NEK1: variants seen among roughly 807,000 people sequenced by gnomAD.
The protein encoded by NEK1 is NIMA related kinase 1, also known as serine/threonine-protein kinase Nek1.
NEK1 carries 137 observed loss-of-function variants against 182.1 expected under a neutral mutation model. The observed-to-expected ratio is 0.75, with a 90% CI of 0.65 to 0.87. The LOEUF (loss-of-function observed/expected upper bound fraction) is 0.87, where lower values mean the gene tolerates loss of function less well. NEK1 is among the 40% of genes least tolerant of loss of function. The pLI is 0.00. For missense variants in NEK1, 1,391 were observed against 1,494.4 expected (o/e 0.93, Z 1.14); for synonymous variants, 513 against 492.2 (o/e 1.04, Z -0.56).
intron 23 of NEK1, among the ~76,000 whole-genome samples, chr4:169,483,250 T>C (rs1179486334): frequency 6.6e-6 from 1 of 152,154 alleles, no homozygotes; most frequent in African/African-American, 2.4e-5. Context: ...CCATCTTATA[T>C]GGGTGAAGTC....
intron 27 of NEK1, among the ~76,000 whole-genome samples, chr4:169,460,023 C>T (rs1235884556): frequency 6.6e-6 from 1 of 152,064 alleles, no homozygotes; most frequent in Non-Finnish European, 1.5e-5. Context: ...AAACTATACA[C>T]TTTGGTGATA....
rs140334228 is a variant in NEK1 at position 169,557,112 on chromosome 4, T to G, written c.1267-1017A>C. ...TTTAAAGGTCAGTAAGTCAATATTATGCATGGTAAGCAGAAATAAGAAAGT... is the reference window on the plus strand; with the variant it reads ...TTTAAAGGTCAGTAAGTCAATATTAGGCATGGTAAGCAGAAATAAGAAAGT... On this transcript the variant is annotated intron_variant, in intron 16 of 35. Coordinates refer to ENST00000507142, the MANE Select transcript of NEK1 (RefSeq NM_001199397.3). Among the ~76,000 whole-genome samples, 447 of 152,236 alleles carry G rather than the reference T, an allele frequency of 2.9e-3. 1 individual carries two copies. Among genetic ancestry groups the G allele is most frequent in the African/African-American group, 0.01 (416 of 41,538 alleles).
intron 29 of NEK1, among the ~76,000 whole-genome samples, chr4:169,430,831 T>C (rs4692726): frequency 0.9 from 136,958 of 151,672 alleles, 61,917 homozygotes; most frequent in Middle Eastern, 0.94. Context: ...ATATCACTTG[T>C]CAGGAATAAG....
intron 4 of NEK1, among the ~76,000 whole-genome samples, chr4:169,599,991 G>C (rs1440586143): frequency 2.0e-5 from 3 of 151,294 alleles, no homozygotes; most frequent in Non-Finnish European, 2.9e-5. Context: ...CTCCCCAATA[G>C]CTAGGACTAC....
At chr4:169,452,309 C>T (rs1045736582) in intron 27 of NEK1, among the ~76,000 whole-genome samples, 11 of 152,334 alleles carry the variant, frequency 7.2e-5, no homozygotes, top group Middle Eastern at 6.8e-3. Flanking sequence ...TCCTCCCTAA[C>T]GCATTTTATG....
chr4:169,588,973 C>T (rs1767981461), intron 7 of NEK1, among the ~76,000 whole-genome samples: 1 of 152,106 alleles, frequency 6.6e-6, no homozygotes, highest in African/African-American at 2.4e-5. Flanking sequence ...TCTACAGTAG[C>T]ATACAGAAAT....
intron 24 of NEK1, among the ~76,000 whole-genome samples, chr4:169,478,144 G>C (rs1399841728): frequency 6.6e-6 from 1 of 151,990 alleles, no homozygotes; most frequent in African/African-American, 2.4e-5. Flanking sequence ...GAAATTAGCA[G>C]TTACGAAAGC....
At chr4:169,419,637 T>G (rs189020119) in intron 31 of NEK1, among the ~76,000 whole-genome samples, 19 of 152,184 alleles carry the variant, frequency 1.2e-4, no homozygotes, top group African/African-American at 4.6e-4. Flanking sequence ...CATGCTTTGC[T>G]TAACAAAGAT....
chr4:169,523,333 C>A (rs1218708545), intron 19 of NEK1, among the ~76,000 whole-genome samples: 1 of 152,076 alleles, frequency 6.6e-6, no homozygotes, highest in Non-Finnish European at 1.5e-5. Context: ...GGATGTTTCA[C>A]AAGTTAAAAT....
At chr4:169,492,828 G>A (rs1389895626) in intron 23 of NEK1, among the ~76,000 whole-genome samples, 1 of 152,162 alleles carries the variant, frequency 6.6e-6, no homozygotes, top group South Asian at 2.1e-4. Flanking sequence ...CCCTCAAGGA[G>A]GAGACAGAGC....
intron 5 of NEK1, among the ~76,000 whole-genome samples, chr4:169,591,014 G>A (rs753656588): frequency 1.6e-4 from 24 of 152,126 alleles, no homozygotes; most frequent in Non-Finnish European, 3.5e-4. Context: ...ATGTTACTGG[G>A]TCATCTCTTA....
intron 35 of NEK1, 198 bp downstream of exon 35, chr4:169,400,027 A>C: frequency 1.6e-6 from 1 of 626,340 alleles, no homozygotes; most frequent in South Asian, 1.8e-5. Flanking sequence ...ATATGGACTT[A>C]AAGGACTTAA....
intron 5 of NEK1, among the ~76,000 whole-genome samples, chr4:169,595,661 T>C (rs1358743368): frequency 1.3e-5 from 2 of 152,108 alleles, no homozygotes; most frequent in Admixed American, 1.3e-4. Context: ...CAGTGGCTCA[T>C]GCCCATAATC....
At chr4:169,497,179 A>G (rs1751483647) in intron 23 of NEK1, among the ~76,000 whole-genome samples, 1 of 152,132 alleles carries the variant, frequency 6.6e-6, no homozygotes, top group African/African-American at 2.4e-5. Context: ...TAGATTTTCT[A>G]GTTTATTTGC....
At chr4:169,452,644 G>C (rs1742043230) in intron 27 of NEK1, among the ~76,000 whole-genome samples, 1 of 152,110 alleles carries the variant, frequency 6.6e-6, no homozygotes, top group Non-Finnish European at 1.5e-5. Flanking sequence ...CAATACACTA[G>C]GTATTGACAG....
At chr4:169,556,122 A>G in intron 16 of NEK1, 27 bp from the exon 17 acceptor site, 1 of 1,596,698 alleles carries the variant, frequency 6.3e-7, no homozygotes, top group East Asian at 2.2e-5. Flanking sequence ...GAGCTCTCAC[A>G]TGTTTATCTT....
chr4:169,561,610 C>T (rs1056591144), intron 15 of NEK1, 56 bp from the exon 16 acceptor site: 134 of 1,585,202 alleles, frequency 8.5e-5, no homozygotes, highest in Admixed American at 1.0e-4. Context: ...ATAAAATACA[C>T]GTAATACATT....
rs752872343 is a variant in NEK1 at position 169,590,775 on chromosome 4, A to G, written c.347T>C (p.Leu116Pro). The G allele has an allele frequency of 1.3e-6, 2 of 1,599,076 alleles. No homozygotes were observed. Among genetic ancestry groups the G allele is most frequent in the South Asian group, 1.1e-5 (1 of 88,208 alleles). Residue 116 changes from leucine to proline, a missense_variant, in exon 6 of 36, where the codon CTG becomes CCG. By Grantham distance (98) the Leu-to-Pro change is moderately conservative (BLOSUM62 -3). Transcript: ENST00000507142. ...AATTTTTCTATCATGTACATGTTTC[A>G]GGGCCAAACATATCTGTACAAACCA... ...LDWFVQICLA[L>P]KHVHDRKILH...
intron 12 of NEK1, among the ~76,000 whole-genome samples, chr4:169,569,150 A>C (rs1189849979): frequency 2.0e-5 from 3 of 152,184 alleles, no homozygotes; most frequent in African/African-American, 7.2e-5. Context: ...AATTACTTCA[A>C]AGAACCAAAT....
Sources: allele counts gnomAD v4.1 joint callset (sites outside exome capture counted in the v4.1 genomes callset), GRCh38; gene constraint gnomAD v4.1.1; transcripts MANE v1.5; gene names NCBI Gene and HGNC (gene_info 2026-07-23, HGNC 2026-07-21).